ZNF107: variants seen among roughly 807,000 people sequenced by gnomAD.
The protein encoded by ZNF107 is C2H2 type zinc-finger protein.
In ZNF107, 19 loss-of-function variants were observed where a neutral mutation model predicts 12.3. The ratio of observed to expected loss-of-function variants is 1.55; its 90% CI spans 1.08 to 2.27. The LOEUF is 2.27. Among genes scored for constraint, ZNF107 ranks in the 30% most tolerant of loss-of-function variants. ZNF107 has a pLI of 0.00. For missense variants in ZNF107, 958 were observed against 979.9 expected, an observed-to-expected ratio of 0.98 and a Z score of 0.30; for synonymous variants, 317 against 330.5, an observed-to-expected ratio of 0.96 and a Z score of 0.44.
chr7:64,693,068 G>A (rs1462404332), intron 3 of ZNF107, among the ~76,000 whole-genome samples: 1 of 151,638 alleles, frequency 6.6e-6, no homozygotes, highest in Admixed American at 6.6e-5. Flanking sequence ...GCGTGATCTC[G>A]GCTCACTGCA....
At chr7:64,680,734 C>G (rs769598245) in intron 1 of ZNF107, among the ~76,000 whole-genome samples, 2 of 152,126 alleles carry the variant, frequency 1.3e-5, no homozygotes, top group Non-Finnish European at 1.5e-5. Flanking sequence ...TAGAAAAAAA[C>G]TTCAAAAATT....
intron 3 of ZNF107, among the ~76,000 whole-genome samples, chr7:64,695,363 A>G (rs1177586140): frequency 6.6e-6 from 1 of 152,168 alleles, no homozygotes; most frequent in Non-Finnish European, 1.5e-5. Flanking sequence ...CCTGTCTTCC[A>G]TGAGTACACA....
chr7:64,686,070 C>T (rs1789895505), intron 1 of ZNF107, among the ~76,000 whole-genome samples: 2 of 152,112 alleles, frequency 1.3e-5, no homozygotes, highest in Admixed American at 6.5e-5. Flanking sequence ...AAATAGACTC[C>T]TTAGCAGCAG....
At chr7:64,698,074 G>A (rs1165336437) in intron 3 of ZNF107, among the ~76,000 whole-genome samples, 2 of 152,132 alleles carry the variant, frequency 1.3e-5, no homozygotes, top group East Asian at 3.8e-4. Flanking sequence ...AACAGATTTG[G>A]TGTCTTTAAA....
chr7:64,682,335 C>T (rs1789715784), intron 1 of ZNF107, among the ~76,000 whole-genome samples: 1 of 152,108 alleles, frequency 6.6e-6, no homozygotes, highest in East Asian at 1.9e-4. Context: ...AAAACAGCAG[C>T]TTCTCTCCTT....
At chr7:64,677,709 G>A (rs1368294317) in intron 1 of ZNF107, among the ~76,000 whole-genome samples, 1 of 151,504 alleles carries the variant, frequency 6.6e-6, no homozygotes, top group Non-Finnish European at 1.5e-5. Context: ...AAAATTAGAT[G>A]GGCGTGGTAG....
At chr7:64,703,436 T>C (rs191769707) in intron 3 of ZNF107, among the ~76,000 whole-genome samples, 1 of 152,304 alleles carries the variant, frequency 6.6e-6, no homozygotes, top group African/African-American at 2.4e-5. Context: ...CATATTTTTG[T>C]GTGGGAGCAA....
chr7:64,692,999 CTTTA>C (rs1170088490), intron 3 of ZNF107, among the ~76,000 whole-genome samples: 1 of 151,212 alleles, frequency 6.6e-6, no homozygotes, highest in Non-Finnish European at 1.5e-5. Flanking sequence ...TTTTATTTTT[CTTTA>C]TTTATTTATT....
At chr7:64,685,117 C>T (rs924065918) in intron 1 of ZNF107, among the ~76,000 whole-genome samples, 6 of 152,156 alleles carry the variant, frequency 3.9e-5, no homozygotes, top group Admixed American at 6.5e-5. Context: ...CCTGACAGGT[C>T]GTGCAGTTCA....
chr7:64,670,012 A>G (rs1043890200), intron 1 of ZNF107, among the ~76,000 whole-genome samples: 15 of 152,186 alleles, frequency 9.9e-5, no homozygotes, highest in Admixed American at 9.2e-4. Flanking sequence ...CACCCCAGCC[A>G]TGGAAGAAGC....
In ZNF107 at chr7:64,708,960, T is replaced by C; in HGVS notation, c.*304T>C. 1 of 492,080 alleles carries C rather than the reference T, an allele frequency of 2.0e-6. No homozygotes were observed. Among genetic ancestry groups the C allele is most frequent in the South Asian group, 2.1e-5 (1 of 47,354 alleles). 30.5% of individuals were successfully genotyped at this position (492,080 alleles called of 1,614,324 possible). A position where few individuals can be genotyped will look rare whatever the true frequency, so the allele number is the denominator to read the frequency against. On this transcript the variant is annotated 3_prime_UTR_variant, in exon 4 of 4. Transcript: ENST00000620827. ...GGTAATTCATACTGGAGAAAAGCCA[T>C]ACAAATGAGAAGAATGTGGCAATGC...
At chr7:64,682,149 A>C (rs1789705357) in intron 1 of ZNF107, among the ~76,000 whole-genome samples, 1 of 151,860 alleles carries the variant, frequency 6.6e-6, no homozygotes, top group Admixed American at 6.6e-5. Flanking sequence ...GAATCCTCCC[A>C]ACAGAATATC....
intron 1 of ZNF107, among the ~76,000 whole-genome samples, chr7:64,671,708 G>A (rs1025091224): frequency 1.3e-5 from 2 of 151,274 alleles, no homozygotes; most frequent in African/African-American, 2.4e-5. Context: ...GGGTGGTTTC[G>A]TGTGCAGATT....
chr7:64,684,393 C>T (rs888011910), intron 1 of ZNF107, among the ~76,000 whole-genome samples: 6 of 152,150 alleles, frequency 3.9e-5, no homozygotes, highest in South Asian at 2.1e-4. Flanking sequence ...AGAGCTTAAC[C>T]CCCTGATCTC....
intron 1 of ZNF107, among the ~76,000 whole-genome samples, chr7:64,681,500 AC>A (rs890167154): frequency 4.0e-5 from 6 of 151,534 alleles, no homozygotes; most frequent in Admixed American, 1.3e-4. Flanking sequence ...CCTCCTTGCC[AC>A]CCTTCTCCCC....
chr7:64,690,572 G>T, intron 1 of ZNF107: 1 of 969,996 alleles, frequency 1.0e-6, no homozygotes, highest in Non-Finnish European at 1.2e-6. Context: ...ATTAAAACCA[G>T]TATTTGCAGA....
intron 1 of ZNF107, among the ~76,000 whole-genome samples, chr7:64,679,932 C>T (rs1242083050): frequency 6.6e-6 from 1 of 152,122 alleles, no homozygotes; most frequent in Non-Finnish European, 1.5e-5. Flanking sequence ...CTCCTTCTGT[C>T]CCGCCCATCT....
intron 1 of ZNF107, chr7:64,687,286 A>G: frequency 2.0e-6 from 2 of 985,744 alleles, no homozygotes; most frequent in Non-Finnish European, 2.4e-6. Context: ...CAGCAGAGTG[A>G]TTTCCATGTC....
chr7:64,709,728 T>C lies in ZNF107; in HGVS notation c.*1072T>C, dbSNP rs539491820. 53 of 455,938 alleles carry C rather than the reference T, an allele frequency of 1.2e-4. 1 individual carries two copies. The East Asian group carries it at 3.1e-3, about 26-fold the overall frequency. 28.2% of individuals were successfully genotyped at this position (455,938 alleles called of 1,614,324 possible). On this transcript the variant is annotated 3_prime_UTR_variant, in exon 4 of 4. Coordinates refer to ENST00000620827, the MANE Select transcript of ZNF107 (RefSeq NM_001282359.2). ...ACAAGGAATGTGGAAAAGCCATTAT[T>C]ATCTGCTCAGATTTTACTCAACATT...
Sources: gnomAD v4.1 joint callset for allele counts (sites outside exome capture counted in the v4.1 genomes callset) on GRCh38, gnomAD v4.1.1 for gene constraint, MANE v1.5 for transcripts, NCBI Gene and HGNC (gene_info 2026-07-23, HGNC 2026-07-21) for gene names.